Variants in PZP observed in about 807,000 individuals in gnomAD.
PZP encodes the protein pregnancy zone protein.
In PZP, 150 loss-of-function variants were observed where a neutral mutation model predicts 179.8. That is an observed-to-expected ratio of 0.83 (90% CI 0.73 to 0.96). PZP has a LOEUF of 0.96. PZP is among the 40% of genes least tolerant of loss of function. The pLI is 0.00. For missense variants in PZP, 1,689 were observed against 1,764.0 expected (o/e 0.96, Z 0.76); for synonymous variants, 624 against 652.3 (o/e 0.96, Z 0.66).
chr12:9,182,101 G>C lies in PZP; in HGVS notation c.1563C>G (p.Ala521=), dbSNP rs759853252. 6.2e-7 allele frequency: 1 copy of C among 1,613,380 alleles called. No homozygotes were observed. Among genetic ancestry groups the C allele is most frequent in the African/African-American group, 1.3e-5 (1 of 74,956 alleles). Residue 521 remains alanine (A), a synonymous_variant, in exon 14 of 36, where the codon GCC becomes GCG. Transcript: ENST00000261336. ...VESGDMKGSF[A]LSFPVESDVA... ...CGTCTGACTCCACAGGGAAGGATAA[G>C]GCAAAACTGCCTTTCACTGGAACAT... is the stretch of plus-strand genomic sequence containing the variant.
chr12:9,182,175 A>C, intron 13 of PZP, 58 bp from the exon 14 acceptor site: 1 of 179,788 alleles, frequency 5.6e-6, no homozygotes, highest in Non-Finnish European at 8.9e-6. Context: ...AGGTCATAAA[A>C]ATAGTGTCAT....
At chr12:9,149,730 A>G in intron 34 of PZP, 128 bp from the exon 35 acceptor site, 1 of 731,364 alleles carries the variant, frequency 1.4e-6, no homozygotes, top group East Asian at 2.7e-5. Flanking sequence ...CTTCATGTAA[A>G]TAGACAAGAA....
At chr12:9,159,721 C>T (rs998730425) in intron 25 of PZP, among the ~76,000 whole-genome samples, 2 of 151,660 alleles carry the variant, frequency 1.3e-5, no homozygotes, top group African/African-American at 4.9e-5. Flanking sequence ...CGTGGGACTC[C>T]TCAGAGTCCA....
intron 19 of PZP, 130 bp downstream of exon 19, chr12:9,165,009 A>G: frequency 8.9e-7 from 1 of 1,122,066 alleles, no homozygotes; most frequent in South Asian, 1.5e-5. Flanking sequence ...TTTGCATAGC[A>G]CTAATTATTC....
At chr12:9,157,101 C>T in intron 28 of PZP, 74 bp downstream of exon 28, 1 of 1,428,432 alleles carries the variant, frequency 7.0e-7, no homozygotes, top group South Asian at 1.3e-5. Context: ...CCCAGACAGG[C>T]CCCAATGTGT....
At chr12:9,200,827 A>T in intron 6 of PZP, 65 bp downstream of exon 6, 1 of 1,503,480 alleles carries the variant, frequency 6.7e-7, no homozygotes, top group East Asian at 2.3e-5. Context: ...AATTCAAAGG[A>T]TCTAAGTGAG....
rs888649630 is a variant in PZP, at chr12:9,163,666, A to G, written c.2736+2T>C. The G allele has an allele frequency of 3.1e-6, 5 of 1,612,716 alleles. No homozygotes were observed. In the African/African-American group the frequency reaches 6.7e-5, roughly 22 times the overall value. ...TGTTAGGGACTCCCAAAAATATGTTACCTCCACCAACAGGGTTTTGATGAC... is the reference window on the plus strand; with the variant it reads ...TGTTAGGGACTCCCAAAAATATGTTGCCTCCACCAACAGGGTTTTGATGAC... On this transcript the variant is annotated splice_donor_variant, in intron 21 of 35. Coordinates refer to ENST00000261336, the MANE Select transcript of PZP (RefSeq NM_002864.3). LOFTEE classifies it high-confidence loss of function.
At chr12:9,175,495 C>A (rs967864127) in intron 15 of PZP, among the ~76,000 whole-genome samples, 7 of 152,014 alleles carry the variant, frequency 4.6e-5, no homozygotes, top group South Asian at 2.1e-4. Flanking sequence ...TTCTGCACAG[C>A]AAAAGGAACT....
intron 35 of PZP, 142 bp downstream of exon 35, chr12:9,149,419 C>A: frequency 1.3e-6 from 1 of 760,950 alleles, no homozygotes; most frequent in South Asian, 2.4e-5. Context: ...GCATGCTACG[C>A]CACAGTTTTG....
At chr12:9,193,801 G>A (rs1386124430) in intron 11 of PZP, among the ~76,000 whole-genome samples, 2 of 152,090 alleles carry the variant, frequency 1.3e-5, no homozygotes, top group Non-Finnish European at 2.9e-5. Flanking sequence ...AATTACTGAA[G>A]CAGCTGATAT....
downstream of PZP, among the ~76,000 whole-genome samples, chr12:9,147,783 AGTCTTCT>A (rs1940087655): frequency 6.6e-6 from 1 of 152,200 alleles, no homozygotes; most frequent in South Asian, 2.1e-4. Context: ...CTTCAAGCTA[AGTCTTCT>A]GGAACTCAGA....
At position 9,153,787 on chromosome 12, in the gene PZP, A is replaced by C. The variant is rs1038675752; in HGVS notation, c.3775-444T>G. 3.9e-5 allele frequency among the ~76,000 whole-genome samples: 6 copies of C among 152,270 alleles called. No homozygotes were observed. In the East Asian group the frequency reaches 1.2e-3, roughly 29 times the overall value. On this transcript the variant is annotated intron_variant, in intron 29 of 35. Transcript: ENST00000261336. ...AGCTTGTTTTTATTTACCCCACCTAATCTCTCTGAAAAACAAAAGTTTCAC... is the reference window on the plus strand; with the variant it reads ...AGCTTGTTTTTATTTACCCCACCTACTCTCTCTGAAAAACAAAAGTTTCAC...
chr12:9,200,328 A>G, intron 7 of PZP, 36 bp downstream of exon 7: 1 of 1,482,592 alleles, frequency 6.7e-7, no homozygotes, highest in Non-Finnish European at 9.3e-7. Context: ...AATTGAGGCA[A>G]AATATAAAAT....
At chr12:9,204,528 A>T (rs990751020) in intron 1 of PZP, among the ~76,000 whole-genome samples, 1 of 152,214 alleles carries the variant, frequency 6.6e-6, no homozygotes, top group Non-Finnish European at 1.5e-5. Flanking sequence ...ACTGAAAAAA[A>T]GTATTTGCTG....
At chr12:9,197,960 A>G (rs1345783013) in intron 7 of PZP, among the ~76,000 whole-genome samples, 1 of 134,122 alleles carries the variant, frequency 7.5e-6, no homozygotes, top group African/African-American at 2.8e-5. Context: ...TTACATATTT[A>G]TATATTATAT....
chr12:9,151,644 G>T lies in PZP; in HGVS notation c.4241C>A (p.Thr1414Lys), dbSNP rs774063784. The T allele has an allele frequency of 6.2e-7, 1 of 1,613,928 alleles. No individual in the cohort carries two copies. Among genetic ancestry groups the T allele is most frequent in the Non-Finnish European group, 8.5e-7 (1 of 1,179,900 alleles). ...MLERSSSVSR[T>K]EVSNNHVLIY... is the part of the protein sequence containing the mutation. ...GAGGACATGGTTGTTGCTCACTTCT[G>T]TCCGGCTCACAGAGCTAGATCTTTC... The change falls in exon 33 of 36, where the codon ACA becomes AAA. Residue 1414 changes from threonine (T) to lysine (K), a missense_variant. Transcript: ENST00000261336.
intron 13 of PZP, among the ~76,000 whole-genome samples, chr12:9,188,910 C>T (rs967489174): frequency 1.3e-5 from 2 of 151,958 alleles, no homozygotes; most frequent in Non-Finnish European, 2.9e-5. Context: ...ATTCCATGCT[C>T]ATAGATAGGA....
At chr12:9,197,669 A>G (rs1943888509) in intron 7 of PZP, among the ~76,000 whole-genome samples, 1 of 105,652 alleles carries the variant, frequency 9.5e-6, no homozygotes, top group East Asian at 2.4e-4. Flanking sequence ...AAATTATTAT[A>G]TATATTATAC....
In PZP at chr12:9,163,720, T is replaced by A; in HGVS notation, c.2684A>T (p.Glu895Val). 6.2e-7 allele frequency: 1 copy of A among 1,613,950 alleles called. No individual in the cohort carries two copies. The highest frequency in any genetic ancestry group is 1.7e-5 in the Admixed American group (1 of 60,016). Residue 895 changes from glutamate to valine, a missense_variant, in exon 21 of 36, where the codon GAG (glutamate) becomes GTG (valine). Transcript: ENST00000261336. Reference protein sequence around the residue: ...SLELCGNEVVEVPEIKRKDTV... With the variant: ...SLELCGNEVVVVPEIKRKDTV... ...GTCTTTTCTTTTAATCTCAGGGACC[T>A]CAACAACCTCATTTCCACAGAGTTC...
Sources: allele counts gnomAD v4.1 joint callset (sites outside exome capture counted in the v4.1 genomes callset), GRCh38; gene constraint gnomAD v4.1.1; transcripts MANE v1.5; gene names NCBI Gene and HGNC (gene_info 2026-07-23, HGNC 2026-07-21).